ERI3: variants seen among roughly 807,000 people sequenced by gnomAD.
The protein encoded by ERI3 is ERI1 exoribonuclease family member 3.
Under a neutral mutation model 44.4 loss-of-function variants are expected in ERI3, and 18 were observed. The ratio of observed to expected loss-of-function variants is 0.41; its 90% CI spans 0.28 to 0.60. The LOEUF is 0.60. Among genes scored for constraint, ERI3 ranks in the 20% least tolerant of loss-of-function variants. The probability of loss-of-function intolerance (pLI) is 0.36; values close to 1 mark genes in which losing one functional copy is unlikely to be tolerated. For missense variants in ERI3, 294 were observed against 435.5 expected, an observed-to-expected ratio of 0.68 and a Z score of 2.89; for synonymous variants, 183 against 164.8, an observed-to-expected ratio of 1.11 and a Z score of -0.84.
intron 4 of ERI3, among the ~76,000 whole-genome samples, chr1:44,319,360 T>C (rs1452661308): frequency 3.3e-5 from 5 of 152,218 alleles, no homozygotes; most frequent in African/African-American, 1.2e-4. Flanking sequence ...AGAAATGCCA[T>C]TCTGCTCCTG....
chr1:44,297,482 T>C (rs931017311), intron 6 of ERI3, among the ~76,000 whole-genome samples: 2 of 152,036 alleles, frequency 1.3e-5, no homozygotes, highest in Non-Finnish European at 2.9e-5. Flanking sequence ...GCAGCCACCC[T>C]ATTGGCATGG....
chr1:44,244,025 CTTCA>C (rs1217809229), intron 8 of ERI3: 1 of 152,150 alleles, frequency 6.6e-6, no homozygotes, highest in Admixed American at 6.5e-5. Flanking sequence ...TGATGCCTGC[CTTCA>C]TTAAGACTGT....
intron 7 of ERI3, among the ~76,000 whole-genome samples, chr1:44,280,749 C>T (rs924991951): frequency 1.3e-5 from 2 of 152,156 alleles, no homozygotes. Flanking sequence ...TCAGATGATG[C>T]CCCTCTTATA....
chr1:44,347,750 A>C (rs922789929), intron 2 of ERI3, among the ~76,000 whole-genome samples: 1 of 149,656 alleles, frequency 6.7e-6, no homozygotes, highest in African/African-American at 2.4e-5. Flanking sequence ...AGAAGACAGC[A>C]GTATAGGTGA....
chr1:44,287,709 G>A (rs2154323667), intron 6 of ERI3, among the ~76,000 whole-genome samples: 1 of 152,368 alleles, frequency 6.6e-6, no homozygotes, highest in Admixed American at 6.5e-5. Context: ...TGCCTAAGAA[G>A]CAGAGCTGTA....
chr1:44,347,811 ACTTG>A (rs1180333831), intron 2 of ERI3, among the ~76,000 whole-genome samples: 2 of 151,342 alleles, frequency 1.3e-5, no homozygotes, highest in Non-Finnish European at 2.9e-5. Context: ...TAATTCTTTG[ACTTG>A]CTTGTTAGAC....
At chr1:44,322,855 A>G (rs1469922293) in intron 3 of ERI3, 7 of 1,547,788 alleles carry the variant, frequency 4.5e-6, no homozygotes, top group Non-Finnish European at 2.6e-6. Flanking sequence ...GGGCACCTGA[A>G]GCATGACAAA....
In ERI3 at chr1:44,235,620, C is replaced by T. The variant is rs1644287091; in HGVS notation, c.931+12319G>A. ...TACTCCAGCCCTGACATTTGCCACC[C>T]AAAGCCTTGACATGCCCAGGCCCTG... On this transcript the variant is annotated intron_variant, in intron 8 of 8. Transcript: ENST00000372257. The surrounding 1 kb of genome is among the most constrained non-coding windows in gnomAD (Gnocchi z 4.6). Among the ~76,000 whole-genome samples, 1 of 152,222 alleles carries T rather than the reference C, an allele frequency of 6.6e-6. No homozygotes were observed. Among genetic ancestry groups the T allele is most frequent in the Non-Finnish European group, 1.5e-5 (1 of 68,040 alleles).
chr1:44,289,466 A>C (rs1645459154), intron 6 of ERI3, among the ~76,000 whole-genome samples: 1 of 152,254 alleles, frequency 6.6e-6, no homozygotes, highest in Non-Finnish European at 1.5e-5. Flanking sequence ...AGGGAAAATG[A>C]GATGAGATAC....
chr1:44,279,420 C>T (rs1645242681), intron 7 of ERI3, among the ~76,000 whole-genome samples: 1 of 152,028 alleles, frequency 6.6e-6, no homozygotes, highest in South Asian at 2.1e-4. Flanking sequence ...GAGATGAGGT[C>T]TCACTATGTT....
chr1:44,343,766 T>C (rs185124629), intron 2 of ERI3, among the ~76,000 whole-genome samples: 63 of 152,272 alleles, frequency 4.1e-4, no homozygotes, highest in Admixed American at 1.1e-3. Flanking sequence ...ATTTTGATGG[T>C]TGTATTTTGA....
At chr1:44,352,749 GA>G (rs1319383191) in intron 2 of ERI3, 100 bp downstream of exon 2, 146 of 1,316,790 alleles carry the variant, frequency 1.1e-4, no homozygotes, top group Non-Finnish European at 1.3e-4. Context: ...GGATACATGG[GA>G]AAAAAAATAC....
In ERI3 at chr1:44,355,103, A is replaced by C. The variant is rs1646973363; in HGVS notation, c.-77T>G. ...CCCCGACGTCTCCCTCGGCCTCAGCAAGCGCTCAGGGCAGTTGGCGGCGGC... is the reference window on the plus strand; with the variant it reads ...CCCCGACGTCTCCCTCGGCCTCAGCCAGCGCTCAGGGCAGTTGGCGGCGGC... On this transcript the variant is annotated 5_prime_UTR_variant, in exon 1 of 9. Transcript: ENST00000372257. 8.7e-6 allele frequency: 11 copies of C among 1,257,792 alleles called. No homozygotes were observed. Among genetic ancestry groups the C allele is most frequent in the Non-Finnish European group, 1.1e-5 (11 of 995,966 alleles). The allele number at this position is 1,257,792 out of a possible 1,614,324, so 77.9% of individuals were successfully genotyped here. A position where few individuals can be genotyped will look rare whatever the true frequency, so the allele number is the denominator to read the frequency against.
At chr1:44,226,545 T>A (rs1420968746) in intron 8 of ERI3, among the ~76,000 whole-genome samples, 1 of 151,572 alleles carries the variant, frequency 6.6e-6, no homozygotes, top group African/African-American at 2.4e-5. Flanking sequence ...GTGGGGGAAG[T>A]GGATGGAGGT....
At chr1:44,281,221 T>G (rs1312131431) in intron 7 of ERI3, among the ~76,000 whole-genome samples, 2 of 151,938 alleles carry the variant, frequency 1.3e-5, no homozygotes, top group East Asian at 3.9e-4. Context: ...CAACTAAAAT[T>G]ATTTATTCAA....
At chr1:44,314,665 G>A (rs1646047198) in intron 4 of ERI3, among the ~76,000 whole-genome samples, 1 of 152,142 alleles carries the variant, frequency 6.6e-6, no homozygotes, top group East Asian at 1.9e-4. Context: ...AGGGCTGGGG[G>A]GCTGGGAGTG....
chr1:44,317,046 G>C (rs1274398528), intron 4 of ERI3, among the ~76,000 whole-genome samples: 1 of 152,148 alleles, frequency 6.6e-6, no homozygotes, highest in Non-Finnish European at 1.5e-5. Flanking sequence ...CTAGAGACTT[G>C]TTCAAACTGG....
At chr1:44,236,225 T>A (rs1644301388) in intron 8 of ERI3, among the ~76,000 whole-genome samples, 1 of 152,156 alleles carries the variant, frequency 6.6e-6, no homozygotes, top group African/African-American at 2.4e-5. Context: ...CAACTCAATT[T>A]AACTCAATTC....
chr1:44,278,187 T>C (rs1297746791), intron 7 of ERI3, among the ~76,000 whole-genome samples: 2 of 152,166 alleles, frequency 1.3e-5, no homozygotes. Flanking sequence ...TCATCAGAAA[T>C]ACTTAATCTG....
Sources: allele counts gnomAD v4.1 joint callset (sites outside exome capture counted in the v4.1 genomes callset), GRCh38; gene constraint gnomAD v4.1.1; non-coding constraint Gnocchi (gnomAD v3.1); transcripts MANE v1.5; gene names NCBI Gene and HGNC (gene_info 2026-07-23, HGNC 2026-07-21).